The following SORBS2 variants were observed in gnomAD, a reference collection of about 807,000 sequenced individuals.
SORBS2 encodes sorbin and SH3 domain containing 2, also known as sorbin and SH3 domain-containing protein 2.
SORBS2 carries 46 observed loss-of-function variants against 97.7 expected under a neutral mutation model. The observed-to-expected ratio is 0.47, with a 90% CI of 0.37 to 0.60. The LOEUF is 0.60. SORBS2 is among the 20% of genes least tolerant of loss of function. SORBS2 has a pLI of 0.00. For synonymous variants in SORBS2, 476 were observed against 473.4 expected, an observed-to-expected ratio of 1.01 and a Z score of -0.07; for missense variants, 1,316 against 1,282.3, an observed-to-expected ratio of 1.03 and a Z score of -0.40.
intron 1 of SORBS2, among the ~76,000 whole-genome samples, chr4:185,891,501 T>C (rs1462352524): frequency 6.6e-6 from 1 of 152,206 alleles, no homozygotes; most frequent in Non-Finnish European, 1.5e-5. Flanking sequence ...ACGTGCTCAA[T>C]TATTTCTGCA....
chr4:185,931,952 T>G (rs2099266669), intron 1 of SORBS2, among the ~76,000 whole-genome samples: 2 of 151,676 alleles, frequency 1.3e-5, no homozygotes. Flanking sequence ...GAGATTGCCC[T>G]AGAGTACATC....
intron 1 of SORBS2, among the ~76,000 whole-genome samples, chr4:185,928,566 G>A (rs1472038813): frequency 6.6e-6 from 1 of 151,862 alleles, no homozygotes; most frequent in Non-Finnish European, 1.5e-5. Context: ...TTTTTTTTGA[G>A]ACGGAGTTTT....
At chr4:185,879,785 G>T (rs1164153057) in intron 1 of SORBS2, among the ~76,000 whole-genome samples, 1 of 152,150 alleles carries the variant, frequency 6.6e-6, no homozygotes. Context: ...TTCTCATGAG[G>T]ATGCACAACT....
intron 1 of SORBS2, among the ~76,000 whole-genome samples, chr4:185,843,988 T>C (rs914388691): frequency 6.6e-6 from 1 of 152,208 alleles, no homozygotes; most frequent in African/African-American, 2.4e-5. Context: ...ACCTACAGTG[T>C]TGAAGACTGT....
chr4:185,877,492 T>C (rs1301600369), intron 1 of SORBS2, among the ~76,000 whole-genome samples: 1 of 152,192 alleles, frequency 6.6e-6, no homozygotes, highest in East Asian at 1.9e-4. Context: ...AAAATACAGC[T>C]ATTTATTTTA....
At chr4:185,689,821 T>C (rs548359753) in intron 2 of SORBS2, among the ~76,000 whole-genome samples, 2 of 152,330 alleles carry the variant, frequency 1.3e-5, no homozygotes, top group Non-Finnish European at 2.9e-5. Flanking sequence ...AACTTTCCAG[T>C]GATCACTTGT....
intron 2 of SORBS2, among the ~76,000 whole-genome samples, chr4:185,696,338 G>A (rs1348634663): frequency 6.6e-6 from 1 of 152,198 alleles, no homozygotes; most frequent in Non-Finnish European, 1.5e-5. Context: ...CTGATTAGAA[G>A]TTGATCACCT....
intron 4 of SORBS2, among the ~76,000 whole-genome samples, chr4:185,631,988 G>T (rs2096916480): frequency 6.6e-6 from 1 of 152,294 alleles, no homozygotes; most frequent in Non-Finnish European, 1.5e-5. Context: ...GAAAGGCAAG[G>T]TTTGACAAAT....
At chr4:185,656,576 T>C (rs1025125852) in intron 1 of SORBS2, 1 of 1,439,380 alleles carries the variant, frequency 6.9e-7, no homozygotes, top group Non-Finnish European at 9.5e-7. Context: ...GCAAAGTATA[T>C]GCAGCTGCAG....
intron 1 of SORBS2, among the ~76,000 whole-genome samples, chr4:185,903,863 A>G (rs1272183404): frequency 2.0e-5 from 3 of 152,234 alleles, no homozygotes; most frequent in Non-Finnish European, 4.4e-5. Flanking sequence ...TAAAATCAAC[A>G]GAGCATGCAG....
chr4:185,666,303 T>G (rs1181611049), intron 4 of SORBS2: 2 of 572,208 alleles, frequency 3.5e-6, no homozygotes, highest in Non-Finnish European at 5.7e-6. Flanking sequence ...TCGGTTTTAT[T>G]TGCAAGCACT....
chr4:185,657,124 TA>T, upstream of SORBS2: 1 of 302,930 alleles, frequency 3.3e-6, no homozygotes, highest in Non-Finnish European at 5.6e-6. Context: ...GCCTCCTTGG[TA>T]AAAGGTAAAA....
In SORBS2 at chr4:185,684,726, G is replaced by A. The variant is rs1341334002; in HGVS notation, c.-197-5904C>T. 8 of 1,468,786 alleles carry A rather than the reference G, an allele frequency of 5.4e-6. No individual in the cohort carries two copies. Among genetic ancestry groups the A allele is most frequent in the East Asian group, 2.5e-5 (1 of 40,456 alleles). 91.0% of individuals were successfully genotyped at this position (1,468,786 alleles called of 1,614,324 possible). A position where few individuals can be genotyped will look rare whatever the true frequency, so the allele number is the denominator to read the frequency against. Reference sequence around the variant, plus strand: ...GAAGAGCTAGAAGCCATTCAAGTGCGACATTGTGTGAGTTAGTGATATTAT... The same window carrying A: ...GAAGAGCTAGAAGCCATTCAAGTGCAACATTGTGTGAGTTAGTGATATTAT... On this transcript the variant is annotated intron_variant, in intron 2 of 20. Coordinates refer to the SORBS2 transcript ENST00000284776. The surrounding 1 kb of genome is among the most constrained non-coding windows in gnomAD (Gnocchi z 4.2).
intron 1 of SORBS2, among the ~76,000 whole-genome samples, chr4:185,928,743 T>G (rs1333913766): frequency 2.0e-5 from 3 of 152,270 alleles, no homozygotes; most frequent in Middle Eastern, 3.4e-3. Context: ...AGACGGGGTT[T>G]CACCGTGTTA....
exon 6 of SORBS2, chr4:185,626,923 A>T: frequency 6.2e-7 from 1 of 1,614,240 alleles, no homozygotes; most frequent in South Asian, 1.1e-5. Context: ...GGCCTGGGCT[A>T]GTCCTGCTCG....
chr4:185,724,339 A>C (rs2098540282), intron 2 of SORBS2, among the ~76,000 whole-genome samples: 1 of 152,094 alleles, frequency 6.6e-6, no homozygotes, highest in Admixed American at 6.5e-5. Context: ...GTTAAAAAAA[A>C]AAAAAGACAA....
intron 1 of SORBS2, among the ~76,000 whole-genome samples, chr4:185,783,563 A>C (rs1238412530): frequency 1.3e-5 from 2 of 152,214 alleles, no homozygotes; most frequent in African/African-American, 4.8e-5. Flanking sequence ...CAATCCATTA[A>C]ACAAAAAGGT....
chr4:185,692,078 T>C (rs2098109014), intron 2 of SORBS2, among the ~76,000 whole-genome samples: 1 of 152,256 alleles, frequency 6.6e-6, no homozygotes, highest in Non-Finnish European at 1.5e-5. Flanking sequence ...CTCTGGCATA[T>C]TCTCTTAGCC....
intron 2 of SORBS2, among the ~76,000 whole-genome samples, chr4:185,727,744 T>A (rs2098568961): frequency 6.6e-6 from 1 of 152,214 alleles, no homozygotes; most frequent in Admixed American, 6.5e-5. Context: ...CGACCAGGTT[T>A]GCTACACATT....
Sources: gnomAD v4.1 joint callset for allele counts (sites outside exome capture counted in the v4.1 genomes callset) on GRCh38, gnomAD v4.1.1 for gene constraint, Gnocchi (gnomAD v3.1) non-coding constraint, MANE v1.5 for transcripts, NCBI Gene and HGNC (gene_info 2026-07-23, HGNC 2026-07-21) for gene names.